Variants in CLEC4A observed in about 807,000 individuals in gnomAD.
CLEC4A encodes the protein C-type lectin domain family 4 member A.
In CLEC4A, 27 loss-of-function variants were observed where a neutral mutation model predicts 32.7. That is an observed-to-expected ratio of 0.83 (90% CI 0.61 to 1.14). The LOEUF is 1.14. CLEC4A is among the 50% of genes most tolerant of loss of function. CLEC4A has a pLI of 0.00. For synonymous variants in CLEC4A, 89 were observed against 93.7 expected (o/e 0.95, Z 0.29); for missense variants, 253 against 274.6 (o/e 0.92, Z 0.55).
chr12:8,128,763 G>A (rs1489689492), intron 2 of CLEC4A, among the ~76,000 whole-genome samples: 1 of 152,190 alleles, frequency 6.6e-6, no homozygotes, highest in Non-Finnish European at 1.5e-5. Flanking sequence ...GAGCGTTGGT[G>A]TGCTGAGGAG....
At chr12:8,130,717 A>G (rs1947982111) in intron 3 of CLEC4A, among the ~76,000 whole-genome samples, 2 of 152,168 alleles carry the variant, frequency 1.3e-5, no homozygotes, top group African/African-American at 4.8e-5. Context: ...TATTTACAGA[A>G]AAATTGAGCA....
chr12:8,129,980 C>T (rs1947969342), intron 3 of CLEC4A, among the ~76,000 whole-genome samples: 1 of 152,046 alleles, frequency 6.6e-6, no homozygotes, highest in Non-Finnish European at 1.5e-5. Context: ...AGACTACAAG[C>T]ACACGCCACT....
intron 3 of CLEC4A, among the ~76,000 whole-genome samples, chr12:8,133,432 T>TC (rs1948035791): frequency 6.6e-6 from 1 of 152,232 alleles, no homozygotes; most frequent in Non-Finnish European, 1.5e-5. Context: ...TCTATCCCCT[T>TC]CATTCTGCTG....
intron 5 of CLEC4A, 117 bp downstream of exon 5, chr12:8,137,020 C>G (rs984854023): frequency 2.0e-5 from 12 of 591,082 alleles, no homozygotes; most frequent in Non-Finnish European, 3.6e-5. Flanking sequence ...CTCTTGGGTA[C>G]TAGGTTAAAT....
At chr12:8,124,115 C>T (rs1036924547) in intron 1 of CLEC4A, among the ~76,000 whole-genome samples, 155 bp downstream of exon 1, 1 of 152,128 alleles carries the variant, frequency 6.6e-6, no homozygotes, top group Admixed American at 6.5e-5. Context: ...CCTGCAGATA[C>T]GCATTACGGG....
At chr12:8,117,239 T>C in the CLEC4A span, among the ~76,000 whole-genome samples, 1 of 151,972 alleles carries the variant, frequency 6.6e-6, no homozygotes, top group Non-Finnish European at 1.5e-5. Context: ...CTTCTTTTTT[T>C]TTTTGTTTTT....
upstream of CLEC4A, among the ~76,000 whole-genome samples, chr12:8,122,690 G>A (rs1013237192): frequency 6.6e-6 from 1 of 152,148 alleles, no homozygotes; most frequent in Admixed American, 6.5e-5. Context: ...AAGGAGTTAG[G>A]AATGTGGGAA....
the CLEC4A span, among the ~76,000 whole-genome samples, chr12:8,107,698 G>A: frequency 1.3e-5 from 2 of 149,824 alleles, no homozygotes; most frequent in Admixed American, 6.6e-5. Context: ...GTCTCTGAGG[G>A]TTTTTTGTAT....
chr12:8,115,879 C>T, the CLEC4A span, among the ~76,000 whole-genome samples: 880 of 152,146 alleles, frequency 5.8e-3, 6 homozygotes, highest in African/African-American at 0.02. Flanking sequence ...GCCTCAACCT[C>T]CTGGGCTCAA....
intron 2 of CLEC4A, among the ~76,000 whole-genome samples, chr12:8,128,726 G>T (rs1172911055): frequency 6.6e-6 from 1 of 152,144 alleles, no homozygotes; most frequent in Non-Finnish European, 1.5e-5. Context: ...GGAGAGGTGG[G>T]TTAGTTTTAA....
chr12:8,116,526 G>T, the CLEC4A span, among the ~76,000 whole-genome samples: 1 of 152,176 alleles, frequency 6.6e-6, no homozygotes, highest in East Asian at 1.9e-4. Flanking sequence ...CATTGTTTAT[G>T]ACCCATCTGT....
In CLEC4A at chr12:8,123,903, G is replaced by A; in HGVS notation, c.25G>A (p.Glu9Lys). 6.2e-7 allele frequency: 1 copy of A among 1,612,386 alleles called. No individual in the cohort carries two copies. The highest frequency in any genetic ancestry group is 8.5e-7 in the Non-Finnish European group (1 of 1,178,388). The change falls in exon 1 of 6, where the codon GAA (glutamate) becomes AAA (lysine). Residue 9 changes from glutamate (E) to lysine (K), a missense_variant. Coordinates refer to ENST00000229332, the MANE Select transcript of CLEC4A (RefSeq NM_016184.4). MTSEITYA[E>K]VRFKNEFKSS... is the part of the protein sequence containing the mutation. ...TATGACTTCGGAAATCACTTATGCT[G>A]AAGTGAGGTTCAAAAATGAATTCAA...
intron 2 of CLEC4A, among the ~76,000 whole-genome samples, chr12:8,128,495 C>T (rs2120586042): frequency 6.6e-6 from 1 of 152,002 alleles, no homozygotes; most frequent in Non-Finnish European, 1.5e-5. Flanking sequence ...ACCGCAACCT[C>T]CGCCTCCCAG....
chr12:8,110,090 A>G, the CLEC4A span, among the ~76,000 whole-genome samples: 1,126 of 152,222 alleles, frequency 7.4e-3, 18 homozygotes, highest in African/African-American at 0.026. Flanking sequence ...CTTTTCACAT[A>G]AGTAAGAAAC....
upstream of CLEC4A, among the ~76,000 whole-genome samples, chr12:8,120,291 G>A (rs759215866): frequency 6.6e-5 from 10 of 152,078 alleles, no homozygotes; most frequent in African/African-American, 9.7e-5. Context: ...TGGTCTTTCC[G>A]GCATGGCCAG....
At chr12:8,116,401 C>T in the CLEC4A span, among the ~76,000 whole-genome samples, 79,968 of 151,984 alleles carry the variant, frequency 0.53, 23,696 homozygotes, top group Non-Finnish European at 0.68. Flanking sequence ...CGTACCTGGC[C>T]GTTAATAGGT....
chr12:8,134,351 C>T, intron 3 of CLEC4A: 2 of 1,612,380 alleles, frequency 1.2e-6, no homozygotes, highest in South Asian at 1.1e-5. Context: ...CAGGGTGAGC[C>T]ACATCGGCCT....
chr12:8,125,205 AATAATAGGTC>A (rs60282649), intron 1 of CLEC4A, among the ~76,000 whole-genome samples: 85,872 of 151,520 alleles, frequency 0.57, 25,493 homozygotes, highest in Non-Finnish European at 0.67. Flanking sequence ...TGTAAAGGAA[AATAATAGGTC>A]AGAAATCAGT....
intron 5 of CLEC4A, 63 bp downstream of exon 5, chr12:8,136,966 C>A: frequency 9.2e-7 from 1 of 1,085,342 alleles, no homozygotes; most frequent in Non-Finnish European, 1.4e-6. Flanking sequence ...TTAGGGTATT[C>A]TAGCTATCAG....
Sources: gnomAD v4.1 joint callset for allele counts (sites outside exome capture counted in the v4.1 genomes callset) on GRCh38, gnomAD v4.1.1 for gene constraint, MANE v1.5 for transcripts, NCBI Gene and HGNC (gene_info 2026-07-23, HGNC 2026-07-21) for gene names.